The following CFAP47 variants were observed in gnomAD, a reference collection of about 807,000 sequenced individuals.
The protein encoded by CFAP47 is cilia- and flagella-associated protein 47.
Under a neutral mutation model 148.1 loss-of-function variants are expected in CFAP47, and 29 were observed. The ratio of observed to expected loss-of-function variants is 0.20; its 90% CI spans 0.15 to 0.27. The LOEUF is 0.27. Among genes scored for constraint, CFAP47 ranks in the 10% least tolerant of loss-of-function variants. The pLI is 1.00. For synonymous variants in CFAP47, 664 were observed against 577.3 expected, an observed-to-expected ratio of 1.15 and a Z score of -2.15; for missense variants, 1,872 against 1,697.5, an observed-to-expected ratio of 1.10 and a Z score of -1.81.
intron 39 of CFAP47, among the ~76,000 whole-genome samples, chrX:36,177,333 G>A (rs1939696703): frequency 8.9e-6 from 1 of 111,842 alleles, no homozygotes; most frequent in African/African-American, 3.2e-5. Context: ...CAAATTTTAT[G>A]ATCCTTGTGA....
At chrX:36,165,566 C>G (rs961375932) in intron 39 of CFAP47, among the ~76,000 whole-genome samples, 2 of 110,801 alleles carry the variant, frequency 1.8e-5, no homozygotes, top group African/African-American at 6.5e-5. Context: ...TATTACATAC[C>G]CAACAATATA....
intron 15 of CFAP47, among the ~76,000 whole-genome samples, chrX:35,984,268 T>G (rs1936685178): frequency 1.8e-5 from 2 of 110,204 alleles, no homozygotes; most frequent in Non-Finnish European, 3.8e-5. Context: ...GTAATATAAG[T>G]TTTTTTTTGT....
intron 45 of CFAP47, among the ~76,000 whole-genome samples, chrX:36,228,425 T>C (rs1308259766): frequency 1.2e-4 from 13 of 111,031 alleles, no homozygotes. Flanking sequence ...CACTGTTCTC[T>C]GACCAGTGCA....
At chrX:36,046,786 A>G in intron 25 of CFAP47, 68 bp from the exon 26 acceptor site, 1 of 675,177 alleles carries the variant, frequency 1.5e-6, no homozygotes, top group Non-Finnish European at 2.2e-6. Context: ...AAAAAATGAA[A>G]TATACATTTA....
intron 48 of CFAP47, among the ~76,000 whole-genome samples, chrX:36,248,399 AT>A (rs1165791313): frequency 1.9e-5 from 2 of 104,676 alleles, no homozygotes; most frequent in Non-Finnish European, 3.9e-5. Flanking sequence ...TATATATTAT[AT>A]TATATTATAT....
chrX:36,316,879 G>A (rs911774608), intron 56 of CFAP47, among the ~76,000 whole-genome samples: 1 of 111,551 alleles, frequency 9.0e-6, no homozygotes, highest in African/African-American at 3.3e-5. Context: ...TCCACCTCCC[G>A]GGCTCAGATG....
chrX:36,356,907 C>G (rs1941790688), intron 60 of CFAP47, among the ~76,000 whole-genome samples: 1 of 112,010 alleles, frequency 8.9e-6, no homozygotes, highest in Non-Finnish European at 1.9e-5. Flanking sequence ...AGATGGAAAT[C>G]AAAGTGTTAG....
At chrX:36,104,084 A>T (rs1292860630) in intron 32 of CFAP47, among the ~76,000 whole-genome samples, 3 of 112,087 alleles carry the variant, frequency 2.7e-5, no homozygotes, top group African/African-American at 9.7e-5. Context: ...AAATAAATGT[A>T]AGAAAATAAT....
chrX:36,302,256 C>A (rs2146958478), intron 53 of CFAP47, among the ~76,000 whole-genome samples: 1 of 110,459 alleles, frequency 9.1e-6, no homozygotes, highest in Non-Finnish European at 1.9e-5. Context: ...AGAACAAATT[C>A]ATGATTTACA....
chrX:36,371,653 T>C (rs1490554790), intron 62 of CFAP47, among the ~76,000 whole-genome samples: 1 of 82,031 alleles, frequency 1.2e-5, no homozygotes, highest in Non-Finnish European at 2.3e-5. Flanking sequence ...TATGTGTATA[T>C]ATGTGTGTAT....
At chrX:36,383,555 AT>A (rs1341226377) in intron 63 of CFAP47, among the ~76,000 whole-genome samples, 1 of 110,982 alleles carries the variant, frequency 9.0e-6, no homozygotes, top group Non-Finnish European at 1.9e-5. Context: ...ACGAAGTAAA[AT>A]TTTTTTTTAC....
At chrX:36,223,412 A>C (rs782697780) in intron 45 of CFAP47, among the ~76,000 whole-genome samples, 1 of 110,697 alleles carries the variant, frequency 9.0e-6, no homozygotes, top group Non-Finnish European at 1.9e-5. Context: ...TTTTCTTATA[A>C]TAAATATTAT....
chrX:36,158,683 G>A (rs1188264260), intron 37 of CFAP47, among the ~76,000 whole-genome samples: 2 of 111,930 alleles, frequency 1.8e-5, no homozygotes, highest in East Asian at 5.6e-4. Context: ...GATTAGGGAG[G>A]CAAGTGAGAA....
In CFAP47 at chrX:35,961,398, C is replaced by G. The variant is rs756322946; in HGVS notation, c.1411-5167C>G. ...TGTAAATGCTTGTGAAGGATTGGCA[C>G]TAATTCTTCTTTAAACGGTTGGTAG... On this transcript the variant is annotated intron_variant, in intron 8 of 63. Coordinates refer to ENST00000378653, the MANE Select transcript of CFAP47 (RefSeq NM_001304548.2). Among the ~76,000 whole-genome samples the G allele has an allele frequency of 8.9e-5, 10 of 111,826 alleles. No homozygotes were observed. The South Asian group carries it at 3.7e-3, about 41-fold the overall frequency.
intron 1 of CFAP47, among the ~76,000 whole-genome samples, chrX:35,924,026 TATATGCACATA>T (rs1935644646): frequency 1.0e-5 from 1 of 98,056 alleles, no homozygotes; most frequent in Admixed American, 1.1e-4. Context: ...TATGCACATA[TATATGCACATA>T]TATGTGTATA....
chrX:36,337,615 C>A (rs1319598858), intron 57 of CFAP47, among the ~76,000 whole-genome samples: 1 of 111,609 alleles, frequency 9.0e-6, no homozygotes, highest in Non-Finnish European at 1.9e-5. Context: ...CCTTTTCTCA[C>A]TGATATTCGT....
At chrX:36,146,772 T>C (rs936051577) in intron 36 of CFAP47, among the ~76,000 whole-genome samples, 1 of 104,499 alleles carries the variant, frequency 9.6e-6, no homozygotes, top group Non-Finnish European at 1.9e-5. Context: ...AGAAAGTATT[T>C]CTTTTCTTTT....
intron 42 of CFAP47, among the ~76,000 whole-genome samples, chrX:36,191,345 A>G (rs1438860824): frequency 8.9e-6 from 1 of 111,873 alleles, no homozygotes; most frequent in Non-Finnish European, 1.9e-5. Context: ...TTGACTTAGT[A>G]TATTGGAATA....
intron 21 of CFAP47, among the ~76,000 whole-genome samples, chrX:36,010,267 A>C (rs1937023749): frequency 1.8e-5 from 2 of 111,224 alleles, no homozygotes; most frequent in African/African-American, 6.5e-5. Flanking sequence ...TATCAATTTA[A>C]ATTTCTAATA....
Sources: allele counts gnomAD v4.1 joint callset (sites outside exome capture counted in the v4.1 genomes callset), GRCh38; gene constraint gnomAD v4.1.1; transcripts MANE v1.5; gene names NCBI Gene and HGNC (gene_info 2026-07-23, HGNC 2026-07-21).